RGL1: variants seen among roughly 807,000 people sequenced by gnomAD.
RGL1 encodes ral guanine nucleotide dissociation stimulator-like 1.
In RGL1, 24 loss-of-function variants were observed where a neutral mutation model predicts 95.2. The ratio of observed to expected loss-of-function variants is 0.25; its 90% CI spans 0.18 to 0.35. The LOEUF is 0.35. RGL1 is among the 10% of genes least tolerant of loss of function. RGL1 has a pLI of 1.00. For synonymous variants in RGL1, 329 were observed against 344.9 expected (o/e 0.95, Z 0.51); for missense variants, 715 against 936.3 (o/e 0.76, Z 3.08).
intron 1 of RGL1, among the ~76,000 whole-genome samples, chr1:183,674,700 A>G (rs1005466357): frequency 1.3e-5 from 2 of 152,244 alleles, no homozygotes; most frequent in African/African-American, 4.8e-5. Context: ...TTGAGAATTA[A>G]ATAAGATACC....
chr1:183,906,998 CT>C lies in RGL1; in HGVS notation c.1473-12del. 1 of 1,532,036 alleles carries C rather than the reference CT, an allele frequency of 6.5e-7. No homozygotes were observed. The highest frequency in any genetic ancestry group is 9.0e-7 in the Non-Finnish European group (1 of 1,106,584). The allele number at this position is 1,532,036 out of a possible 1,614,324, so 94.9% of individuals were successfully genotyped here. ...TCTAACTTTGACCTCATGGAGCCCC[CT>C]TCTCTTTCTCAGCTATGCCCTGTCA... On this transcript the variant is annotated splice_polypyrimidine_tract_variant and intron_variant, in intron 13 of 17. Coordinates refer to ENST00000360851, the MANE Select transcript of RGL1 (RefSeq NM_001297671.3).
rs1412161898 is a variant in RGL1 at position 183,752,702 on chromosome 1, CTCTT to C, written c.132+10416_132+10419del. ...TCTCTCTCTCTCTCTCTCTCTCTCTCTCTTTCCCCTTTCCTCTCTTTGGCCTTAA... is the reference window on the plus strand; with the variant it reads ...TCTCTCTCTCTCTCTCTCTCTCTCTCTCCCCTTTCCTCTCTTTGGCCTTAA... On this transcript the variant is annotated intron_variant, in intron 2 of 18. Coordinates refer to the RGL1 transcript ENST00000304685. Among the ~76,000 whole-genome samples the C allele has an allele frequency of 5.8e-3, 856 of 148,338 alleles. 34 individuals carry two copies. The highest frequency in any genetic ancestry group is 0.019 in the African/African-American group (759 of 39,508).
At chr1:183,904,761 G>T in intron 12 of RGL1, 89 bp from the exon 13 acceptor site, 1 of 1,319,220 alleles carries the variant, frequency 7.6e-7, no homozygotes, top group African/African-American at 1.5e-5. Flanking sequence ...ATCCTAATGT[G>T]GTATATTTTC....
In RGL1 at chr1:183,900,334, A is replaced by G. The variant is rs1572575490; in HGVS notation, c.1317+98A>G. 4.5e-6 allele frequency: 4 copies of G among 894,598 alleles called. No homozygotes were observed. The East Asian group carries it at 9.9e-5, about 22-fold the overall frequency. 55.4% of individuals were successfully genotyped at this position (894,598 alleles called of 1,614,324 possible). ...TCTTAGTATCTTTTGAAGGTCCAAAAGTACATGGCATTGTGCTAGCTGTTA... is the reference window on the plus strand; with the variant it reads ...TCTTAGTATCTTTTGAAGGTCCAAAGGTACATGGCATTGTGCTAGCTGTTA... On this transcript the variant is annotated intron_variant, in intron 11 of 17. Coordinates refer to ENST00000360851, the MANE Select transcript of RGL1 (RefSeq NM_001297671.3).
rs1241662620 is a variant in RGL1, at chr1:183,810,147, A to T, written c.138+3662A>T. On this transcript the variant is annotated intron_variant, in intron 2 of 17. Coordinates refer to ENST00000360851, the MANE Select transcript of RGL1 (RefSeq NM_001297671.3). ...GGAAGTGTAACATTTCAGGATGAAT[A>T]CTCAAAGGGACAGAGGAAAAGAATT... Among the ~76,000 whole-genome samples the T allele has an allele frequency of 1.9e-4, 29 of 152,322 alleles. 1 individual carries two copies.
intron 2 of RGL1, among the ~76,000 whole-genome samples, chr1:183,749,600 G>A (rs12727643): frequency 0.45 from 67,728 of 151,996 alleles, 16,125 homozygotes; most frequent in East Asian, 0.8. Flanking sequence ...TGATCCTGTC[G>A]TCATGATGCT....
intron 10 of RGL1, 59 bp downstream of exon 10, chr1:183,897,956 G>C (rs1667797048): frequency 2.1e-6 from 3 of 1,429,496 alleles, no homozygotes; most frequent in Non-Finnish European, 2.0e-6. Context: ...GTGTGCGTCT[G>C]GGCTCCCACA....
At chr1:183,854,187 T>C (rs1006843644) in intron 3 of RGL1, among the ~76,000 whole-genome samples, 2 of 152,176 alleles carry the variant, frequency 1.3e-5, no homozygotes, top group African/African-American at 4.8e-5. Flanking sequence ...AAAGGATATT[T>C]TGGAGAGCTG....
chr1:183,682,454 A>T (rs1653283964), intron 1 of RGL1, among the ~76,000 whole-genome samples: 1 of 152,164 alleles, frequency 6.6e-6, no homozygotes, highest in Non-Finnish European at 1.5e-5. Flanking sequence ...CAGATTGTTC[A>T]GTTTCCTTGT....
intron 2 of RGL1, among the ~76,000 whole-genome samples, chr1:183,816,444 C>T (rs577083610): frequency 3.2e-4 from 49 of 152,212 alleles, no homozygotes; most frequent in South Asian, 6.2e-4. Context: ...CTGTGCTACA[C>T]GTTGATTAGC....
chr1:183,698,096 TTTTG>T (rs1654357173), intron 1 of RGL1, among the ~76,000 whole-genome samples: 1 of 152,170 alleles, frequency 6.6e-6, no homozygotes, highest in South Asian at 2.1e-4. Flanking sequence ...TGAGGGACAA[TTTTG>T]TTTATTTTTT....
chr1:183,686,381 A>G (rs1653586359), intron 1 of RGL1, among the ~76,000 whole-genome samples: 1 of 152,116 alleles, frequency 6.6e-6, no homozygotes, highest in African/African-American at 2.4e-5. Flanking sequence ...GGGGCACCCC[A>G]TCTTCATTTC....
chr1:183,868,796 C>G (rs1268923403), intron 4 of RGL1, among the ~76,000 whole-genome samples: 10 of 152,180 alleles, frequency 6.6e-5, no homozygotes, highest in Non-Finnish European at 1.5e-4. Context: ...GCCACCTGAA[C>G]ACTCTGAGGA....
intron 15 of RGL1, among the ~76,000 whole-genome samples, chr1:183,915,048 A>ACAAT (rs1668877693): frequency 6.6e-6 from 1 of 152,234 alleles, no homozygotes; most frequent in East Asian, 1.9e-4. Flanking sequence ...TGATAGAGCC[A>ACAAT]CAATCAGACC....
intron 14 of RGL1, among the ~76,000 whole-genome samples, chr1:183,910,093 C>T (rs1668558271): frequency 6.6e-6 from 1 of 152,070 alleles, no homozygotes; most frequent in Non-Finnish European, 1.5e-5. Flanking sequence ...TTCTTTCCTT[C>T]CTTCCTTCCT....
chr1:183,718,135 A>C (rs914930844), intron 1 of RGL1, among the ~76,000 whole-genome samples: 1 of 151,910 alleles, frequency 6.6e-6, no homozygotes, highest in African/African-American at 2.4e-5. Context: ...AGTCCCAGCT[A>C]CTTGGGAGGC....
At chr1:183,852,269 A>G (rs1664867598) in intron 3 of RGL1, among the ~76,000 whole-genome samples, 1 of 152,200 alleles carries the variant, frequency 6.6e-6, no homozygotes, top group Non-Finnish European at 1.5e-5. Flanking sequence ...ATTCTGCTAT[A>G]ATATGAGCCT....
At chr1:183,734,085 C>T (rs1021132120) in intron 1 of RGL1, among the ~76,000 whole-genome samples, 2 of 152,202 alleles carry the variant, frequency 1.3e-5, no homozygotes, top group Non-Finnish European at 2.9e-5. Context: ...TGCTCTTTAA[C>T]CTGAAATGTG....
intron 1 of RGL1, among the ~76,000 whole-genome samples, chr1:183,693,206 G>T (rs1048895752): frequency 6.6e-6 from 1 of 151,972 alleles, no homozygotes; most frequent in East Asian, 1.9e-4. Flanking sequence ...TGCCCACCTC[G>T]GCCTCCCAAA....
Sources: gnomAD v4.1 joint callset for allele counts (sites outside exome capture counted in the v4.1 genomes callset) on GRCh38, gnomAD v4.1.1 for gene constraint, MANE v1.5 for transcripts, NCBI Gene and HGNC (gene_info 2026-07-23, HGNC 2026-07-21) for gene names.